Variants in PPP1R12B observed in about 807,000 individuals in gnomAD.
PPP1R12B encodes the protein protein phosphatase 1 regulatory subunit 12B.
A neutral mutation model predicts 126.1 loss-of-function variants in PPP1R12B; 76 were observed. That is an observed-to-expected ratio of 0.60 (90% CI 0.50 to 0.73). The LOEUF (loss-of-function observed/expected upper bound fraction) is 0.73, where lower values mean the gene tolerates loss of function less well. PPP1R12B is among the 30% of genes least tolerant of loss of function. The pLI is 0.00. For synonymous variants in PPP1R12B, 356 were observed against 434.7 expected, an observed-to-expected ratio of 0.82 and a Z score of 2.25; for missense variants, 1,052 against 1,205.1, an observed-to-expected ratio of 0.87 and a Z score of 1.88.
At chr1:202,371,784 A>T (rs980315523) in intron 1 of PPP1R12B, among the ~76,000 whole-genome samples, 2 of 151,364 alleles carry the variant, frequency 1.3e-5, no homozygotes, top group Non-Finnish European at 2.9e-5. Context: ...TTACATAAAC[A>T]TGGTGCGTTA....
At position 202,548,776 on chromosome 1, in the gene PPP1R12B, GTCTC is replaced by G. The variant is rs1196499777; in HGVS notation, c.2491-10071_2491-10068del. On this transcript the variant is annotated intron_variant, in intron 18 of 23. Coordinates refer to ENST00000608999, the MANE Select transcript of PPP1R12B (RefSeq NM_002481.4). ...TCATGCGCTCGCTCACTCGCTCGCT[GTCTC>G]TCTCTCTCTCTCTCTCTCTCTCTCT... Among the ~76,000 whole-genome samples the G allele has an allele frequency of 4.6e-3, 458 of 98,830 alleles. 4 individuals are homozygous for G. The highest frequency in any genetic ancestry group is 0.014 in the African/African-American group (318 of 23,342). 64.8% of individuals were successfully genotyped at this position (98,830 alleles called of 152,430 possible).
intron 14 of PPP1R12B, 76 bp from the exon 15 acceptor site, chr1:202,493,038 T>G: frequency 1.4e-6 from 2 of 1,473,946 alleles, no homozygotes; most frequent in Non-Finnish European, 1.9e-6. Flanking sequence ...TAGGTCTTTT[T>G]GGGAATATTC....
chr1:202,572,956 C>G (rs1206145881), intron 23 of PPP1R12B, among the ~76,000 whole-genome samples: 2 of 152,266 alleles, frequency 1.3e-5, no homozygotes, highest in East Asian at 3.9e-4. Flanking sequence ...CTGATAACTT[C>G]CAAATTCTTT....
Position 202,550,481 on chromosome 1 carries a change from T to A in PPP1R12B, c.2491-8396T>A, listed in dbSNP as rs191281954. ...GATTTAAGGCCTAAATAAGGACTTTTAAAATTTACGATATACTCTATGCTG... is the reference window on the plus strand; with the variant it reads ...GATTTAAGGCCTAAATAAGGACTTTAAAAATTTACGATATACTCTATGCTG... On this transcript the variant is annotated intron_variant, in intron 18 of 23. Transcript: ENST00000608999. Among the ~76,000 whole-genome samples, 5 of 152,338 alleles carry A rather than the reference T, an allele frequency of 3.3e-5. No homozygotes were observed. The East Asian group carries it at 9.6e-4, about 29-fold the overall frequency.
chr1:202,381,180 A>G (rs1373269231), intron 1 of PPP1R12B, among the ~76,000 whole-genome samples: 3 of 152,170 alleles, frequency 2.0e-5, no homozygotes, highest in Non-Finnish European at 4.4e-5. Flanking sequence ...AAAGGACCTC[A>G]AGGTTATTTG....
At chr1:202,530,261 C>T (rs1683793667) in intron 18 of PPP1R12B, among the ~76,000 whole-genome samples, 1 of 152,094 alleles carries the variant, frequency 6.6e-6, no homozygotes, top group Non-Finnish European at 1.5e-5. Context: ...GCCAGTAGCA[C>T]CCTCCAATCA....
chr1:202,575,307 G>A, intron 23 of PPP1R12B: 3 of 985,142 alleles, frequency 3.0e-6, no homozygotes, highest in Non-Finnish European at 4.3e-6. Flanking sequence ...TGAGATCATA[G>A]AATGGGACAT....
intron 18 of PPP1R12B, among the ~76,000 whole-genome samples, chr1:202,530,572 C>A (rs1683827049): frequency 6.6e-6 from 1 of 152,180 alleles, no homozygotes; most frequent in Non-Finnish European, 1.5e-5. Flanking sequence ...TAATCTATTA[C>A]CCTGAAATGA....
intron 21 of PPP1R12B, chr1:202,567,529 CT>C: frequency 2.1e-6 from 1 of 478,232 alleles, no homozygotes; most frequent in Non-Finnish European, 3.7e-6. Context: ...TAAGTAATTT[CT>C]TTGTAATTTC....
intron 20 of PPP1R12B, 90 bp downstream of exon 20, chr1:202,563,012 T>C: frequency 7.3e-7 from 1 of 1,368,506 alleles, no homozygotes; most frequent in Middle Eastern, 2.2e-4. Context: ...ACCATAGCTC[T>C]GAATAAGCAG....
At chr1:202,391,504 T>C (rs1309311841) in intron 1 of PPP1R12B, among the ~76,000 whole-genome samples, 1 of 152,170 alleles carries the variant, frequency 6.6e-6, no homozygotes, top group East Asian at 1.9e-4. Flanking sequence ...AGTTACCATA[T>C]GATCCAGCAA....
At chr1:202,509,807 G>C (rs1486063576) in intron 18 of PPP1R12B, among the ~76,000 whole-genome samples, 1 of 152,198 alleles carries the variant, frequency 6.6e-6, no homozygotes, top group Non-Finnish European at 1.5e-5. Context: ...AATCTTCAAA[G>C]TGATGACCCT....
At position 202,491,538 on chromosome 1, in the gene PPP1R12B, A is replaced by G. The variant is rs545037910; in HGVS notation, c.1942-1576A>G. ...TCTTTTCCACCATCATACAGTAAAT[A>G]AATCAATATATATTTATTGAATAAA... On this transcript the variant is annotated intron_variant, in intron 14 of 23. Coordinates refer to ENST00000608999, the MANE Select transcript of PPP1R12B (RefSeq NM_002481.4). 4.6e-5 allele frequency among the ~76,000 whole-genome samples: 7 copies of G among 152,332 alleles called. No homozygotes were observed. In the East Asian group the frequency reaches 1.3e-3, roughly 29 times the overall value.
At chr1:202,516,834 G>A (rs929751814) in intron 18 of PPP1R12B, among the ~76,000 whole-genome samples, 3 of 152,166 alleles carry the variant, frequency 2.0e-5, no homozygotes, top group Non-Finnish European at 4.4e-5. Context: ...GGAATGAAAG[G>A]CAATTATACT....
chr1:202,362,586 G>A (rs1012439018), intron 1 of PPP1R12B, among the ~76,000 whole-genome samples: 2 of 151,588 alleles, frequency 1.3e-5, no homozygotes, highest in Admixed American at 6.6e-5. Context: ...AGTTGAGAGT[G>A]GAGACTGCCT....
At chr1:202,469,231 G>A (rs1675499847) in intron 13 of PPP1R12B, among the ~76,000 whole-genome samples, 1 of 152,194 alleles carries the variant, frequency 6.6e-6, no homozygotes, top group African/African-American at 2.4e-5. Context: ...GTGGTTAGTT[G>A]TGGGTAGAAT....
chr1:202,484,694 C>T (rs535331174), intron 13 of PPP1R12B, among the ~76,000 whole-genome samples: 1 of 152,276 alleles, frequency 6.6e-6, no homozygotes, highest in East Asian at 1.9e-4. Flanking sequence ...TTTTTCTCAG[C>T]TTTTGCTTGT....
At chr1:202,438,627 G>A (rs893476430) in intron 10 of PPP1R12B, 5 of 516,228 alleles carry the variant, frequency 9.7e-6, no homozygotes, top group East Asian at 4.0e-5. Flanking sequence ...AGCCCGCCCC[G>A]TCCCTGGCCC....
intron 23 of PPP1R12B, among the ~76,000 whole-genome samples, chr1:202,572,172 C>T (rs200184400): frequency 6.6e-6 from 1 of 152,212 alleles, no homozygotes; most frequent in East Asian, 1.9e-4. Context: ...CTGTACTAGG[C>T]AGCCAAAGGT....
Sources: allele counts gnomAD v4.1 joint callset (sites outside exome capture counted in the v4.1 genomes callset), GRCh38; gene constraint gnomAD v4.1.1; transcripts MANE v1.5; gene names NCBI Gene and HGNC (gene_info 2026-07-23, HGNC 2026-07-21).